Variants in L3HYPDH observed in about 807,000 individuals in gnomAD.
L3HYPDH encodes the protein trans-3-hydroxy-L-proline dehydratase.
L3HYPDH carries 32 observed loss-of-function variants against 26.5 expected under a neutral mutation model. The observed-to-expected ratio is 1.21, with a 90% confidence interval of 0.91 to 1.62. The LOEUF (loss-of-function observed/expected upper bound fraction) is 1.62, where lower values mean the gene tolerates loss of function less well. Among genes scored for constraint, L3HYPDH ranks in the 40% most tolerant of loss-of-function variants. The probability of loss-of-function intolerance (pLI) is 0.00; values close to 1 mark genes in which losing one functional copy is unlikely to be tolerated. For synonymous variants in L3HYPDH, 215 were observed against 196.6 expected (o/e 1.09, Z -0.78); for missense variants, 554 against 476.4 (o/e 1.16, Z -1.52).
In L3HYPDH at chr14:59,479,187, C is replaced by CTTTCA; in HGVS notation, c.668_672dup (p.Ala225Ter). 1 of 1,603,688 alleles carries CTTTCA rather than the reference C, an allele frequency of 6.2e-7. No individual in the cohort carries two copies. Among genetic ancestry groups the CTTTCA allele is most frequent in the Non-Finnish European group, 8.5e-7 (1 of 1,177,162 alleles). ...GAAGGCAGAGTATTACTGACCTGAG[C>CTTTCA]TTTCACTGCCTCTGTCACTGCACTC... On this transcript the variant is annotated stop_gained and frameshift_variant, in exon 2 of 5. Transcript: ENST00000247194. LOFTEE classifies it high-confidence loss of function.
chr14:59,480,343 CAG>C (rs1566564121), intron 1 of L3HYPDH, among the ~76,000 whole-genome samples: 2 of 152,142 alleles, frequency 1.3e-5, no homozygotes, highest in South Asian at 4.1e-4. Context: ...AGTGAAGAAA[CAG>C]AGGATGGGGA....
chr14:59,485,152 CA>C (rs1890434504), upstream of L3HYPDH: 1 of 1,593,206 alleles, frequency 6.3e-7, no homozygotes, highest in Non-Finnish European at 8.5e-7. Context: ...TTCAGTTTAT[CA>C]TACTGGTTTT....
At chr14:59,491,957 ATTCTCAATTTAACCCTGT>A in the L3HYPDH span, among the ~76,000 whole-genome samples, 3 of 152,194 alleles carry the variant, frequency 2.0e-5, no homozygotes, top group Non-Finnish European at 4.4e-5. Context: ...AAGCTTCCCC[ATTCTCAATTTAACCCTGT>A]AAGACTCTTG....
chr14:59,495,848 G>A, the L3HYPDH span, among the ~76,000 whole-genome samples: 4 of 151,978 alleles, frequency 2.6e-5, no homozygotes, highest in African/African-American at 9.7e-5. Flanking sequence ...ATGCAAATAG[G>A]TACAAAACAA....
chr14:59,498,799 G>A, the L3HYPDH span: 702 of 1,609,974 alleles, frequency 4.4e-4, no homozygotes, highest in Non-Finnish European at 5.7e-4. Context: ...TTCTGGTGAA[G>A]AAGATTGCAT....
chr14:59,491,874 C>T, the L3HYPDH span, among the ~76,000 whole-genome samples: 1 of 152,208 alleles, frequency 6.6e-6, no homozygotes, highest in Non-Finnish European at 1.5e-5. Flanking sequence ...TAAGACTAGA[C>T]CCTCAAGGGC....
At chr14:59,478,336 G>A (rs1189769754) in intron 2 of L3HYPDH, among the ~76,000 whole-genome samples, 1 of 152,094 alleles carries the variant, frequency 6.6e-6, no homozygotes, top group Non-Finnish European at 1.5e-5. Flanking sequence ...GGCCGAGCTG[G>A]GAGAATCACT....
At chr14:59,480,546 G>C (rs1002273624) in intron 1 of L3HYPDH, among the ~76,000 whole-genome samples, 2 of 152,206 alleles carry the variant, frequency 1.3e-5, no homozygotes, top group African/African-American at 4.8e-5. Context: ...TGAACCAAAA[G>C]GACAGAGTAG....
chr14:59,489,592 C>T, the L3HYPDH span, among the ~76,000 whole-genome samples: 2 of 152,344 alleles, frequency 1.3e-5, no homozygotes, highest in South Asian at 4.1e-4. Flanking sequence ...TGTCTGGTAC[C>T]CAGCTCCAAA....
intron 1 of L3HYPDH, 94 bp from the exon 2 acceptor site, chr14:59,479,445 GA>G (rs1187494542): frequency 1.7e-6 from 2 of 1,146,748 alleles, no homozygotes; most frequent in African/African-American, 3.2e-5. Flanking sequence ...TATTTTTCAA[GA>G]GGGATGTTCT....
chr14:59,492,934 A>G, the L3HYPDH span, among the ~76,000 whole-genome samples: 1 of 151,684 alleles, frequency 6.6e-6, no homozygotes, highest in Non-Finnish European at 1.5e-5. Context: ...AGTAGCTGGG[A>G]CTACAGGCGC....
At chr14:59,494,137 T>A in the L3HYPDH span, among the ~76,000 whole-genome samples, 5 of 151,550 alleles carry the variant, frequency 3.3e-5, no homozygotes, top group Admixed American at 3.3e-4. Flanking sequence ...TGTGTGTGTG[T>A]GAGATACACA....
At chr14:59,504,973 A>ATGTT in the L3HYPDH span, 4 of 252,966 alleles carry the variant, frequency 1.6e-5, no homozygotes, top group South Asian at 5.6e-4. Context: ...GTGTTCTGTG[A>ATGTT]TGTTTATGCT....
chr14:59,476,161 T>C lies in L3HYPDH; in HGVS notation c.732A>G (p.Ile244Met), dbSNP rs1889613199. 1 of 1,613,260 alleles carries C rather than the reference T, an allele frequency of 6.2e-7. No individual in the cohort carries two copies. The highest frequency in any genetic ancestry group is 1.7e-5 in the Admixed American group (1 of 59,950). ...TATAAGCATCTTTTCCATCTGTTAA[T>C]ATAGTTCCATATAAAAAGGCAAGGT... ...SEDLAFLYGT[I>M]LTDGKDAYTK... The change falls in exon 3 of 5, where the codon ATA becomes ATG. Residue 244 changes from isoleucine to methionine, a missense_variant. Coordinates refer to ENST00000247194, the MANE Select transcript of L3HYPDH (RefSeq NM_144581.2).
the L3HYPDH span, chr14:59,501,094 G>A: frequency 5.3e-3 from 4,052 of 768,876 alleles, 111 homozygotes; most frequent in African/African-American, 0.064. Context: ...GTTGAGAAAG[G>A]ATTTGACTCT....
the L3HYPDH span, chr14:59,503,926 G>A: frequency 6.2e-7 from 1 of 1,613,568 alleles, no homozygotes; most frequent in Admixed American, 1.7e-5. Context: ...TCATGCCTAT[G>A]GAATAATCTC....
chr14:59,469,106 A>T (rs1418554209), downstream of L3HYPDH, among the ~76,000 whole-genome samples: 1 of 152,208 alleles, frequency 6.6e-6, no homozygotes, highest in Non-Finnish European at 1.5e-5. Context: ...TTAGGCCACC[A>T]TTGGAACAGA....
chr14:59,466,900 T>C (rs149882905), intron 1 of L3HYPDH, among the ~76,000 whole-genome samples: 43 of 152,300 alleles, frequency 2.8e-4, no homozygotes, highest in African/African-American at 1.0e-3. Flanking sequence ...ACTAAAACTG[T>C]CTTCAGATAT....
At chr14:59,486,981 A>C (rs1369391598), upstream of L3HYPDH, among the ~76,000 whole-genome samples, 1 of 152,150 alleles carries the variant, frequency 6.6e-6, no homozygotes, top group Non-Finnish European at 1.5e-5. Flanking sequence ...TGGGTAGATC[A>C]CTTGAGGTCA....
Sources: gnomAD v4.1 joint callset for allele counts (sites outside exome capture counted in the v4.1 genomes callset) on GRCh38, gnomAD v4.1.1 for gene constraint, MANE v1.5 for transcripts, NCBI Gene and HGNC (gene_info 2026-07-23, HGNC 2026-07-21) for gene names.